Variants in B3GLCT observed in about 807,000 individuals in gnomAD.
The protein encoded by B3GLCT is beta 3-glucosyltransferase.
Under a neutral mutation model 63.4 loss-of-function variants are expected in B3GLCT, and 65 were observed. The observed-to-expected ratio is 1.03, with a 90% CI of 0.84 to 1.26. The LOEUF (loss-of-function observed/expected upper bound fraction) is 1.26, where lower values mean the gene tolerates loss of function less well. Among genes scored for constraint, B3GLCT ranks in the 50% most tolerant of loss-of-function variants. The pLI, the probability that B3GLCT is intolerant of heterozygous loss-of-function variation, is 0.00. For missense variants in B3GLCT, 577 were observed against 604.8 expected (o/e 0.95, Z 0.48); for synonymous variants, 233 against 219.2 (o/e 1.06, Z -0.55).
chr13:31,317,230 T>A lies in B3GLCT; in HGVS notation c.1065-336T>A, dbSNP rs563902134. The stretch of plus-strand genomic sequence containing the variant: ...AAACAGGACTGGTAGAAATAAGATC[T>A]AGAGCACACTGGCCAACTTCACTTC... On this transcript the variant is annotated intron_variant, in intron 12 of 14. Coordinates refer to ENST00000343307, the MANE Select transcript of B3GLCT (RefSeq NM_194318.4). 1.3e-4 allele frequency among the ~76,000 whole-genome samples: 20 copies of A among 152,286 alleles called. No individual in the cohort carries two copies. The South Asian group carries it at 3.9e-3, about 30-fold the overall frequency.
At chr13:31,237,125 C>A (rs1160190966) in intron 4 of B3GLCT, among the ~76,000 whole-genome samples, 80 of 139,226 alleles carry the variant, frequency 5.7e-4, no homozygotes, top group African/African-American at 7.0e-4. Flanking sequence ...GACTCCATCT[C>A]AAAAAAAAAA....
At position 31,240,355 on chromosome 13, in the gene B3GLCT, T is replaced by C. The variant is rs944026067; in HGVS notation, c.271-6668T>C. Among the ~76,000 whole-genome samples, 24 of 152,334 alleles carry C rather than the reference T, an allele frequency of 1.6e-4. No homozygotes were observed. The East Asian group carries it at 4.4e-3, about 28-fold the overall frequency. On this transcript the variant is annotated intron_variant, in intron 4 of 14. Coordinates refer to ENST00000343307, the MANE Select transcript of B3GLCT (RefSeq NM_194318.4). Reference sequence around the variant, plus strand: ...TTTTGTGGTGAGACTATAAACCCTTTATTTAAAACCTGGCATAATCTCAAC... The same window carrying C: ...TTTTGTGGTGAGACTATAAACCCTTCATTTAAAACCTGGCATAATCTCAAC...
intron 10 of B3GLCT, chr13:31,283,192 T>C (rs1873154332): frequency 6.6e-6 from 1 of 152,240 alleles, no homozygotes; most frequent in Non-Finnish European, 1.5e-5. Flanking sequence ...TGCTGGGGAC[T>C]GAGGAAAGTT....
chr13:31,326,300 T>TC (rs1045925619), intron 14 of B3GLCT, among the ~76,000 whole-genome samples: 1 of 145,976 alleles, frequency 6.9e-6, no homozygotes, highest in African/African-American at 2.6e-5. Context: ...TTTTTTTTTT[T>TC]TGAGATGAAG....
intron 6 of B3GLCT, among the ~76,000 whole-genome samples, chr13:31,249,565 T>G (rs1871334569): frequency 6.6e-6 from 1 of 152,218 alleles, no homozygotes; most frequent in African/African-American, 2.4e-5. Context: ...CCATTATCCA[T>G]AGCTCTAATT....
At chr13:31,248,044 T>C in intron 6 of B3GLCT, 78 bp downstream of exon 6, 1 of 806,240 alleles carries the variant, frequency 1.2e-6, no homozygotes, top group South Asian at 1.5e-5. Context: ...TAAGAAGCTT[T>C]TGAATCTAAT....
At chr13:31,281,352 CTGAT>C (rs1209865652) in intron 10 of B3GLCT, among the ~76,000 whole-genome samples, 1 of 152,008 alleles carries the variant, frequency 6.6e-6, no homozygotes, top group Non-Finnish European at 1.5e-5. Flanking sequence ...TCTGAACAAA[CTGAT>C]TGAAAGGGGT....
intron 12 of B3GLCT, chr13:31,312,901 CGAGGCAGTCCTA>C (rs1398015663): frequency 6.6e-6 from 1 of 152,188 alleles, no homozygotes; most frequent in East Asian, 1.9e-4. Flanking sequence ...ACTCTTATTA[CGAGGCAGTCCTA>C]GAGTCACTTT....
intron 6 of B3GLCT, among the ~76,000 whole-genome samples, chr13:31,249,136 C>T (rs1295050829): frequency 2.0e-5 from 3 of 152,124 alleles, no homozygotes; most frequent in Admixed American, 6.6e-5. Flanking sequence ...GGGTTCTGCT[C>T]GGTTTGTTGA....
At chr13:31,274,311 A>T (rs1466867531) in intron 8 of B3GLCT, among the ~76,000 whole-genome samples, 198 bp from the exon 9 acceptor site, 1 of 152,226 alleles carries the variant, frequency 6.6e-6, no homozygotes, top group Non-Finnish European at 1.5e-5. Context: ...GCTTATTGTT[A>T]GTAATAGATT....
chr13:31,248,096 T>C (rs1871274455), intron 6 of B3GLCT, 130 bp downstream of exon 6: 6 of 635,612 alleles, frequency 9.4e-6, no homozygotes, highest in South Asian at 3.6e-5. Flanking sequence ...TGAAACATTG[T>C]TGAATATCTG....
rs183544336 is a variant in B3GLCT at position 31,313,889 on chromosome 13, G to A, written c.1065-3677G>A. Among the ~76,000 whole-genome samples the A allele has an allele frequency of 6.6e-5, 10 of 152,266 alleles. No homozygotes were observed. In the East Asian group the frequency reaches 1.7e-3, roughly 27 times the overall value. ...TGGTTTGTTTCGTGGGCTGGACTCA[G>A]GGTCCCCATGCTGTGTGCAGTCTGG... On this transcript the variant is annotated intron_variant, in intron 12 of 14. Transcript: ENST00000343307.
chr13:31,213,275 G>T (rs1258453724), intron 1 of B3GLCT, among the ~76,000 whole-genome samples: 1 of 152,152 alleles, frequency 6.6e-6, no homozygotes, highest in African/African-American at 2.4e-5. Flanking sequence ...TGTGCTTTTG[G>T]TGTGGAGACA....
intron 13 of B3GLCT, among the ~76,000 whole-genome samples, chr13:31,318,022 T>C (rs1391596232): frequency 1.3e-5 from 2 of 151,972 alleles, no homozygotes; most frequent in African/African-American, 4.8e-5. Flanking sequence ...GAATAAGCCA[T>C]TAGACTATTA....
At chr13:31,252,565 A>C (rs1234741053) in intron 6 of B3GLCT, among the ~76,000 whole-genome samples, 1 of 152,312 alleles carries the variant, frequency 6.6e-6, no homozygotes, top group East Asian at 1.9e-4. Context: ...GGGGGTTGCA[A>C]TCCTAGTCTC....
intron 6 of B3GLCT, among the ~76,000 whole-genome samples, chr13:31,256,593 T>TA (rs1871753201): frequency 6.6e-6 from 1 of 152,080 alleles, no homozygotes; most frequent in South Asian, 2.1e-4. Context: ...TATGCAGCCA[T>TA]AAAAAAGGAC....
At chr13:31,275,445 T>C (rs1791072158) in intron 9 of B3GLCT, among the ~76,000 whole-genome samples, 2 of 152,190 alleles carry the variant, frequency 1.3e-5, no homozygotes, top group African/African-American at 4.8e-5. Context: ...TGATGTAGGA[T>C]GCATTGATTA....
intron 12 of B3GLCT, chr13:31,311,560 G>A (rs1172579084): frequency 6.6e-6 from 1 of 152,216 alleles, no homozygotes; most frequent in African/African-American, 2.4e-5. Flanking sequence ...CAACCACTTT[G>A]TAAAGCTGAA....
chr13:31,297,354 G>T (rs1165908809), intron 12 of B3GLCT, among the ~76,000 whole-genome samples: 2 of 145,594 alleles, frequency 1.4e-5, no homozygotes, highest in Non-Finnish European at 3.0e-5. Flanking sequence ...CCACATCCTT[G>T]TCAACCCCAT....
Sources: gnomAD v4.1 joint callset for allele counts (sites outside exome capture counted in the v4.1 genomes callset) on GRCh38, gnomAD v4.1.1 for gene constraint, MANE v1.5 for transcripts, NCBI Gene and HGNC (gene_info 2026-07-23, HGNC 2026-07-21) for gene names.